ME3: variants seen among roughly 807,000 people sequenced by gnomAD.
The protein encoded by ME3 is NADP-dependent malic enzyme, mitochondrial.
Under a neutral mutation model 68.9 loss-of-function variants are expected in ME3, and 48 were observed. The ratio of observed to expected loss-of-function variants is 0.70; its 90% CI spans 0.55 to 0.89. The LOEUF (loss-of-function observed/expected upper bound fraction) is 0.89. Among genes scored for constraint, ME3 ranks in the 40% least tolerant of loss-of-function variants. ME3 has a pLI of 0.00. For synonymous variants in ME3, 320 were observed against 318.8 expected (o/e 1.00, Z -0.04); for missense variants, 675 against 797.4 (o/e 0.85, Z 1.85).
At chr11:86,547,953 A>T (rs1265484776) in intron 4 of ME3, among the ~76,000 whole-genome samples, 6 of 152,374 alleles carry the variant, frequency 3.9e-5, no homozygotes, top group African/African-American at 1.2e-4. Flanking sequence ...GCCTTTGGCT[A>T]AAGGAAGTCA....
intron 2 of ME3, among the ~76,000 whole-genome samples, chr11:86,622,539 G>C (rs1344523358): frequency 6.6e-6 from 1 of 151,942 alleles, no homozygotes; most frequent in East Asian, 1.9e-4. Context: ...TTTATCAAGA[G>C]CTCAGAAGGT....
intron 6 of ME3, 40 bp from the exon 7 acceptor site, chr11:86,487,480 T>G: frequency 1.1e-5 from 16 of 1,493,048 alleles, no homozygotes; most frequent in Non-Finnish European, 1.3e-5. Context: ...CTACTCCCGG[T>G]GTTCCTGTTT....
At chr11:86,462,784 G>T (rs1453659749) in intron 8 of ME3, 3 of 445,816 alleles carry the variant, frequency 6.7e-6, no homozygotes, top group Non-Finnish European at 1.3e-5. Flanking sequence ...TGAAGTAAGA[G>T]AACTGACAGA....
intron 4 of ME3, among the ~76,000 whole-genome samples, chr11:86,553,207 C>T (rs1290899613): frequency 1.3e-5 from 2 of 152,170 alleles, no homozygotes; most frequent in Non-Finnish European, 2.9e-5. Flanking sequence ...CTCAGGTGCC[C>T]CTGAGATACT....
At chr11:86,621,721 G>T (rs888706498) in intron 2 of ME3, among the ~76,000 whole-genome samples, 21 of 151,922 alleles carry the variant, frequency 1.4e-4, no homozygotes, top group Non-Finnish European at 1.5e-5. Context: ...TGATAATAAA[G>T]ATCTAGTGGG....
chr11:86,455,773 A>G (rs1949882956), intron 8 of ME3, among the ~76,000 whole-genome samples: 1 of 152,176 alleles, frequency 6.6e-6, no homozygotes, highest in South Asian at 2.1e-4. Flanking sequence ...CTACTTTTTT[A>G]TCTAACCTGA....
At chr11:86,565,953 G>T (rs773448541) in intron 2 of ME3, among the ~76,000 whole-genome samples, 1 of 152,214 alleles carries the variant, frequency 6.6e-6, no homozygotes, top group Non-Finnish European at 1.5e-5. Flanking sequence ...AATGGGACAC[G>T]TGCAGCCCCA....
intron 2 of ME3, among the ~76,000 whole-genome samples, chr11:86,649,093 A>G (rs1945227930): frequency 6.6e-6 from 1 of 152,254 alleles, no homozygotes; most frequent in South Asian, 2.1e-4. Context: ...CGAATCCAGC[A>G]GCACATTAAA....
At chr11:86,498,215 C>T in intron 5 of ME3, 91 bp from the exon 6 acceptor site, 1 of 1,438,070 alleles carries the variant, frequency 7.0e-7, no homozygotes, top group African/African-American at 1.4e-5. Flanking sequence ...GGCTTGGCGA[C>T]TGGATGCCCA....
intron 5 of ME3, among the ~76,000 whole-genome samples, chr11:86,505,856 A>G (rs1953037532): frequency 6.6e-6 from 1 of 152,172 alleles, no homozygotes. Flanking sequence ...AGACAGGAAT[A>G]AAGGATGGAG....
intron 2 of ME3, among the ~76,000 whole-genome samples, chr11:86,643,184 C>A (rs1318776753): frequency 6.6e-6 from 1 of 152,172 alleles, no homozygotes; most frequent in African/African-American, 2.4e-5. Context: ...GTCTCCCAGA[C>A]TCTGTTTCTG....
chr11:86,506,860 T>A (rs185172058), intron 5 of ME3, among the ~76,000 whole-genome samples: 1 of 152,344 alleles, frequency 6.6e-6, no homozygotes, highest in East Asian at 1.9e-4. Context: ...TCCCTTAATG[T>A]CCTCAAGATT....
intron 2 of ME3, among the ~76,000 whole-genome samples, chr11:86,622,234 A>C (rs1018780362): frequency 2.0e-5 from 3 of 152,076 alleles, no homozygotes; most frequent in African/African-American, 7.3e-5. Flanking sequence ...GCCAATAGTC[A>C]CATGGATAGG....
intron 3 of ME3, 115 bp from the exon 4 acceptor site, chr11:86,556,817 G>T: frequency 8.5e-7 from 1 of 1,171,388 alleles, no homozygotes; most frequent in Non-Finnish European, 1.2e-6. Context: ...GAACATTCAT[G>T]GGCAAGCCAT....
chr11:86,643,687 A>G (rs1463656310), intron 2 of ME3, among the ~76,000 whole-genome samples: 2 of 152,214 alleles, frequency 1.3e-5, no homozygotes, highest in East Asian at 3.8e-4. Flanking sequence ...GAAACCTATT[A>G]TACTGCTTTA....
At chr11:86,588,285 C>A (rs1565176595) in intron 2 of ME3, among the ~76,000 whole-genome samples, 1 of 152,232 alleles carries the variant, frequency 6.6e-6, no homozygotes, top group African/African-American at 2.4e-5. Context: ...TAGTCCCCTT[C>A]TGTTCTTAAG....
At chr11:86,460,757 C>T (rs1397064373) in intron 8 of ME3, among the ~76,000 whole-genome samples, 1 of 152,262 alleles carries the variant, frequency 6.6e-6, no homozygotes, top group African/African-American at 2.4e-5. Flanking sequence ...TGCTCCTCTC[C>T]CATTATGAGC....
chr11:86,576,433 T>C (rs528065089), intron 2 of ME3, among the ~76,000 whole-genome samples: 17 of 152,324 alleles, frequency 1.1e-4, no homozygotes, highest in African/African-American at 4.1e-4. Context: ...CAGCCTCTCC[T>C]GTCCATTCTG....
intron 4 of ME3, among the ~76,000 whole-genome samples, chr11:86,549,345 C>T (rs894971825): frequency 2.6e-5 from 4 of 152,218 alleles, no homozygotes; most frequent in African/African-American, 9.6e-5. Context: ...GCCCTTATCT[C>T]CTCTTTCCAT....
Sources: allele counts gnomAD v4.1 joint callset (sites outside exome capture counted in the v4.1 genomes callset), GRCh38; gene constraint gnomAD v4.1.1; transcripts MANE v1.5; gene names NCBI Gene and HGNC (gene_info 2026-07-23, HGNC 2026-07-21).